The following NUFIP1 variants were observed in gnomAD, a reference collection of about 807,000 sequenced individuals.
NUFIP1 encodes the protein FMR1-interacting protein NUFIP1.
NUFIP1 carries 38 observed loss-of-function variants against 56.2 expected under a neutral mutation model. That is an observed-to-expected ratio of 0.68 (90% CI 0.52 to 0.89). The LOEUF is 0.89. Among genes scored for constraint, NUFIP1 ranks in the 40% least tolerant of loss-of-function variants. The pLI is 0.00. For missense variants in NUFIP1, 567 were observed against 605.8 expected, an observed-to-expected ratio of 0.94 and a Z score of 0.67; for synonymous variants, 215 against 212.4, an observed-to-expected ratio of 1.01 and a Z score of -0.10.
chr13:44,943,880 G>A (rs1294123233), intron 8 of NUFIP1, among the ~76,000 whole-genome samples: 1 of 152,108 alleles, frequency 6.6e-6, no homozygotes, highest in South Asian at 2.1e-4. Flanking sequence ...CAAAAATTGA[G>A]AAGACTACCA....
intron 7 of NUFIP1, among the ~76,000 whole-genome samples, chr13:44,957,336 C>T (rs1002256178): frequency 2.0e-5 from 3 of 152,144 alleles, no homozygotes; most frequent in African/African-American, 4.8e-5. Flanking sequence ...CTCAGCCTCC[C>T]GAGTAGCTGG....
chr13:44,967,171 T>C (rs1021480925), intron 5 of NUFIP1, among the ~76,000 whole-genome samples: 2 of 151,604 alleles, frequency 1.3e-5, no homozygotes, highest in African/African-American at 4.9e-5. Context: ...AAGAAATTGG[T>C]CTTAAATGGT....
chr13:44,941,635 TCCC>T (rs935194959), intron 9 of NUFIP1, among the ~76,000 whole-genome samples: 1 of 152,032 alleles, frequency 6.6e-6, no homozygotes, highest in Admixed American at 6.5e-5. Context: ...TGCCTCAGCC[TCCC>T]GAGTAGCTGG....
rs1189751723 is a variant in NUFIP1, at chr13:44,939,431, G to A, written c.*1775C>T. 6.6e-6 allele frequency: 1 copy of A among 152,070 alleles called. No homozygotes were observed. The highest frequency in any genetic ancestry group is 1.5e-5 in the Non-Finnish European group (1 of 68,002). 9.4% of individuals were successfully genotyped at this position (152,070 alleles called of 1,614,324 possible). Reference sequence around the variant, plus strand: ...CTTACATTTCAGAAACTGATTAAACGAACAATAAGATAGGAATGTAGAAGG... The same window carrying A: ...CTTACATTTCAGAAACTGATTAAACAAACAATAAGATAGGAATGTAGAAGG... On this transcript the variant is annotated 3_prime_UTR_variant, in exon 10 of 10. Transcript: ENST00000379161.
intron 5 of NUFIP1, among the ~76,000 whole-genome samples, chr13:44,972,958 G>T (rs1871855795): frequency 6.6e-6 from 1 of 152,184 alleles, no homozygotes; most frequent in Admixed American, 6.5e-5. Flanking sequence ...TTGTCAAGAA[G>T]TTATGCAAAG....
chr13:44,958,407 T>C (rs1593361535), intron 7 of NUFIP1, among the ~76,000 whole-genome samples: 1 of 152,180 alleles, frequency 6.6e-6, no homozygotes, highest in Non-Finnish European at 1.5e-5. Flanking sequence ...GCTCAGTAAG[T>C]GCCTTATTCA....
Position 44,959,332 on chromosome 13 carries a change from C to T in NUFIP1, c.1021+49G>A, listed in dbSNP as rs139415134. ...CAAGGCTGTGAATAATCAACTTCAG[C>T]ATCATTGTCTATACACTTATAAATA... On this transcript the variant is annotated intron_variant, in intron 7 of 9. Coordinates refer to ENST00000379161, the MANE Select transcript of NUFIP1 (RefSeq NM_012345.3). 3.0e-3 allele frequency: 4,530 copies of T among 1,508,538 alleles called. 14 individuals are homozygous for T. The highest frequency in any genetic ancestry group is 4.6e-3 in the South Asian group (382 of 83,950). 93.4% of individuals were successfully genotyped at this position (1,508,538 alleles called of 1,614,324 possible). A position where few individuals can be genotyped will look rare whatever the true frequency, so the allele number is the denominator to read the frequency against.
chr13:44,956,752 T>G (rs1027230317), intron 7 of NUFIP1, among the ~76,000 whole-genome samples: 1 of 152,130 alleles, frequency 6.6e-6, no homozygotes, highest in Non-Finnish European at 1.5e-5. Context: ...CAATAGGGAA[T>G]GTGTAAATAC....
chr13:44,982,010 G>A, intron 2 of NUFIP1, 62 bp downstream of exon 2: 1 of 828,332 alleles, frequency 1.2e-6, no homozygotes, highest in South Asian at 3.2e-5. Context: ...TGACAGAAAT[G>A]CAAGATATGA....
At chr13:44,945,972 G>A (rs962823375) in intron 8 of NUFIP1, among the ~76,000 whole-genome samples, 10 of 152,102 alleles carry the variant, frequency 6.6e-5, no homozygotes, top group African/African-American at 2.4e-4. Context: ...AGACTCTGGT[G>A]CCAGACTGTT....
rs906215958 is a variant in NUFIP1, at chr13:44,985,505, C to A, written c.413-3351G>T. Among the ~76,000 whole-genome samples, 6 of 152,190 alleles carry A rather than the reference C, an allele frequency of 3.9e-5. No individual in the cohort carries two copies. The East Asian group carries it at 1.2e-3, about 29-fold the overall frequency. On this transcript the variant is annotated intron_variant, in intron 1 of 9. Coordinates refer to ENST00000379161, the MANE Select transcript of NUFIP1 (RefSeq NM_012345.3). ...TGCGGCAACCCTACATCAAGCAGGT[C>A]TATCAGCACCATTTTTCCAACAACA...
At chr13:44,958,214 T>C (rs1304892952) in intron 7 of NUFIP1, among the ~76,000 whole-genome samples, 1 of 152,188 alleles carries the variant, frequency 6.6e-6, no homozygotes, top group Non-Finnish European at 1.5e-5. Context: ...ATTCTGCCAC[T>C]AATGAGCAGA....
chr13:44,945,145 A>G (rs755626972), intron 8 of NUFIP1, among the ~76,000 whole-genome samples: 4 of 151,950 alleles, frequency 2.6e-5, no homozygotes, highest in Non-Finnish European at 5.9e-5. Context: ...TTTTTGAGAA[A>G]AAGAGAAAAA....
chr13:44,943,638 T>C lies in NUFIP1; in HGVS notation c.1175A>G (p.Glu392Gly), dbSNP rs1454161319. Residue 392 changes from glutamate (E) to glycine (G), a missense_variant, in exon 9 of 10, where the codon GAA becomes GGA. Physicochemically the swap from Glu to Gly is moderately conservative, Grantham distance 98 (BLOSUM62 -2). Transcript: ENST00000379161. Reference sequence around the variant, plus strand: ...AGCACTGCTATCAAGAACCTGGTTTTCTGCCAAAACGTCTGCTTCAGTCTT... The same window carrying C: ...AGCACTGCTATCAAGAACCTGGTTTCCTGCCAAAACGTCTGCTTCAGTCTT... ...PIKTEADVLAENQVLDSSAPK... is the reference protein window; with the variant it reads ...PIKTEADVLAGNQVLDSSAPK... The C allele has an allele frequency of 4.3e-6, 7 of 1,613,616 alleles. No individual in the cohort carries two copies. The highest frequency in any genetic ancestry group is 5.9e-6 in the Non-Finnish European group (7 of 1,179,934).
At chr13:44,955,022 TTCTTCCTAGCTGAGACA>T (rs1186597623) in intron 7 of NUFIP1, among the ~76,000 whole-genome samples, 2 of 152,208 alleles carry the variant, frequency 1.3e-5, no homozygotes, top group African/African-American at 2.4e-5. Flanking sequence ...CTGACCCACT[TTCTTCCTAGCTGAGACA>T]ACTGACTTAC....
In NUFIP1 at chr13:44,979,948, G is replaced by A. The variant is rs1446397640; in HGVS notation, c.599C>T (p.Pro200Leu). Reference protein sequence around the residue: ...DKHMSEHTKCPELDCSFTAHE... With the variant: ...DKHMSEHTKCLELDCSFTAHE... ...TGCAGTAAAAGAGCAATCTAATTCA[G>A]GGCACTATGAGTTTTTAAAAGAAAA... The change falls in exon 4 of 10, where the codon CCT (proline) becomes CTT (leucine). Residue 200 changes from proline to leucine, a missense_variant. Physicochemically the swap from Pro to Leu is moderately conservative, Grantham distance 98. Coordinates refer to ENST00000379161, the MANE Select transcript of NUFIP1 (RefSeq NM_012345.3). 6.3e-7 allele frequency: 1 copy of A among 1,597,720 alleles called. No individual in the cohort carries two copies. Among genetic ancestry groups the A allele is most frequent in the East Asian group, 2.2e-5 (1 of 44,676 alleles).
At chr13:44,976,218 T>C (rs118011939) in intron 5 of NUFIP1, among the ~76,000 whole-genome samples, 474 of 152,228 alleles carry the variant, frequency 3.1e-3, no homozygotes, top group Non-Finnish European at 4.7e-3. Context: ...CTCTTTATAA[T>C]GTACATATCA....
At position 44,980,838 on chromosome 13, in the gene NUFIP1, G is replaced by A. The variant is rs1872163715; in HGVS notation, c.496-18C>T. On this transcript the variant is annotated intron_variant, in intron 2 of 9. Transcript: ENST00000379161. The stretch of plus-strand genomic sequence containing the variant: ...TTTCTTTTCTGCAAACAAAAACAGA[G>A]AGGAATTAGGCTTTTGGTGAAAAAT... 1.3e-6 allele frequency: 2 copies of A among 1,506,284 alleles called. No homozygotes were observed. Among genetic ancestry groups the A allele is most frequent in the Non-Finnish European group, 9.1e-7 (1 of 1,101,726 alleles). The allele number at this position is 1,506,284 out of a possible 1,614,324, so 93.3% of individuals were successfully genotyped here.
At chr13:44,959,639 AGAC>A in intron 6 of NUFIP1, 65 bp from the exon 7 acceptor site, 1 of 1,349,084 alleles carries the variant, frequency 7.4e-7, no homozygotes, top group Non-Finnish European at 1.0e-6. Context: ...ATTTTGAAAA[AGAC>A]TACTAGATAC....
Sources: gnomAD v4.1 joint callset for allele counts (sites outside exome capture counted in the v4.1 genomes callset) on GRCh38, gnomAD v4.1.1 for gene constraint, MANE v1.5 for transcripts, NCBI Gene and HGNC (gene_info 2026-07-23, HGNC 2026-07-21) for gene names.